The following ROBO2 variants were observed in gnomAD, a reference collection of about 807,000 sequenced individuals.
The protein encoded by ROBO2 is roundabout guidance receptor 2, also known as roundabout homolog 2.
A neutral mutation model predicts 160.8 loss-of-function variants in ROBO2; 53 were observed. The observed-to-expected ratio is 0.33, with a 90% CI of 0.26 to 0.41. The LOEUF (loss-of-function observed/expected upper bound fraction) is 0.41. Among genes scored for constraint, ROBO2 ranks in the 10% least tolerant of loss-of-function variants. The pLI is 1.00. For missense variants in ROBO2, 1,577 were observed against 1,722.4 expected (o/e 0.92, Z 1.49); for synonymous variants, 664 against 611.7 (o/e 1.09, Z -1.26).
At chr3:76,721,708 C>T (rs1446606038) in intron 2 of ROBO2, among the ~76,000 whole-genome samples, 5 of 152,192 alleles carry the variant, frequency 3.3e-5, no homozygotes, top group Non-Finnish European at 5.9e-5. Flanking sequence ...TAAAAATGTA[C>T]TGCTGTTTCT....
intron 2 of ROBO2, among the ~76,000 whole-genome samples, chr3:77,224,904 T>A (rs2086292664): frequency 6.6e-6 from 1 of 151,910 alleles, no homozygotes; most frequent in African/African-American, 2.4e-5. Flanking sequence ...AATATTTGAT[T>A]AGTCAAGTTT....
At chr3:77,322,858 G>T (rs1261895517) in intron 2 of ROBO2, among the ~76,000 whole-genome samples, 1 of 101,062 alleles carries the variant, frequency 9.9e-6, no homozygotes, top group Non-Finnish European at 1.8e-5. Context: ...TTATACATAT[G>T]TATTATAATA....
intron 2 of ROBO2, among the ~76,000 whole-genome samples, chr3:76,622,270 GAAAGAAAGAAAGAAA>G (rs1560252808): frequency 1.3e-5 from 1 of 79,452 alleles, no homozygotes; most frequent in Non-Finnish European, 2.6e-5. Flanking sequence ...AAGAAAGAAA[GAAAGAAAGAAAGAAA>G]GAAAGAAAGA....
chr3:77,418,634 A>C (rs2153529857), intron 2 of ROBO2, among the ~76,000 whole-genome samples: 1 of 152,230 alleles, frequency 6.6e-6, no homozygotes, highest in East Asian at 1.9e-4. Flanking sequence ...CAGATCGCTT[A>C]CCCAAATCTC....
At chr3:76,884,569 C>T (rs1323651409) in intron 2 of ROBO2, among the ~76,000 whole-genome samples, 3 of 152,124 alleles carry the variant, frequency 2.0e-5, no homozygotes, top group African/African-American at 7.2e-5. Flanking sequence ...CTCTAACCAC[C>T]TTTGACTCAG....
chr3:77,230,578 T>G (rs1406724572), intron 2 of ROBO2, among the ~76,000 whole-genome samples: 3 of 152,246 alleles, frequency 2.0e-5, no homozygotes, highest in Non-Finnish European at 1.5e-5. Flanking sequence ...GGAACCATTG[T>G]TAGGGCATAT....
intron 2 of ROBO2, among the ~76,000 whole-genome samples, chr3:77,413,825 G>A (rs1231519414): frequency 4.9e-4 from 75 of 152,306 alleles, no homozygotes; most frequent in Non-Finnish European, 1.0e-4. Context: ...AGATGCAAAT[G>A]TTAATGGACA....
intron 2 of ROBO2, among the ~76,000 whole-genome samples, chr3:76,454,633 A>G (rs2077656567): frequency 1.3e-5 from 2 of 152,126 alleles, no homozygotes; most frequent in Non-Finnish European, 1.5e-5. Flanking sequence ...TTACTTTTCC[A>G]TCAACTGTTA....
chr3:75,919,455 T>G (rs1343076120), intron 1 of ROBO2, among the ~76,000 whole-genome samples: 1 of 152,202 alleles, frequency 6.6e-6, no homozygotes, highest in Non-Finnish European at 1.5e-5. Flanking sequence ...TTATTCAGGA[T>G]TTTTGCATCG....
chr3:76,699,919 TCTCCTG>T (rs1289703961), intron 2 of ROBO2, among the ~76,000 whole-genome samples: 11 of 152,058 alleles, frequency 7.2e-5, no homozygotes, highest in Admixed American at 2.6e-4. Flanking sequence ...TAAATGAATG[TCTCCTG>T]TTGAGGCACA....
chr3:76,707,612 A>G (rs7627343), intron 2 of ROBO2, among the ~76,000 whole-genome samples: 9,221 of 151,662 alleles, frequency 0.061, 833 homozygotes, highest in African/African-American at 0.2. Flanking sequence ...TACAGACCTC[A>G]GTTACTAACA....
intron 2 of ROBO2, among the ~76,000 whole-genome samples, chr3:76,224,653 A>G (rs1364977038): frequency 6.6e-6 from 1 of 152,180 alleles, no homozygotes; most frequent in African/African-American, 2.4e-5. Flanking sequence ...GACCCATAAA[A>G]TTAACCACGA....
At chr3:77,232,790 A>G (rs1054294214) in intron 2 of ROBO2, among the ~76,000 whole-genome samples, 24 of 152,318 alleles carry the variant, frequency 1.6e-4, no homozygotes, top group Admixed American at 1.6e-3. Context: ...GTAGATTAAA[A>G]TTAAAATATT....
At chr3:76,785,183 G>T (rs1407879593) in intron 2 of ROBO2, among the ~76,000 whole-genome samples, 1 of 151,144 alleles carries the variant, frequency 6.6e-6, no homozygotes, top group Admixed American at 6.6e-5. Flanking sequence ...TGACATTACA[G>T]ATCTTCCATT....
intron 6 of ROBO2, among the ~76,000 whole-genome samples, chr3:77,534,651 T>C (rs561317904): frequency 6.6e-6 from 1 of 152,300 alleles, no homozygotes; most frequent in South Asian, 2.1e-4. Flanking sequence ...AGTACATAAT[T>C]AGATTTATTA....
At chr3:76,206,399 A>G (rs1467543345) in intron 2 of ROBO2, among the ~76,000 whole-genome samples, 5 of 152,204 alleles carry the variant, frequency 3.3e-5, no homozygotes, top group African/African-American at 1.2e-4. Context: ...TTCCATCTCT[A>G]ATTAATGTAT....
intron 2 of ROBO2, among the ~76,000 whole-genome samples, chr3:76,782,956 TCTCC>T (rs1368048189): frequency 6.6e-6 from 1 of 150,818 alleles, no homozygotes; most frequent in Non-Finnish European, 1.5e-5. Context: ...TGGCTTTTAT[TCTCC>T]CTCTCTTGCT....
chr3:77,160,023 A>G (rs2078344742), intron 2 of ROBO2, among the ~76,000 whole-genome samples: 1 of 152,074 alleles, frequency 6.6e-6, no homozygotes, highest in Admixed American at 6.6e-5. Flanking sequence ...TGTAAGAAAA[A>G]ATAAAGGGAG....
chr3:77,066,595 C>T (rs903800421), intron 1 of ROBO2, among the ~76,000 whole-genome samples: 1 of 151,988 alleles, frequency 6.6e-6, no homozygotes, highest in Non-Finnish European at 1.5e-5. Context: ...AATCAAAGGA[C>T]TAACAGTAGG....
Sources: allele counts gnomAD v4.1 joint callset (sites outside exome capture counted in the v4.1 genomes callset), GRCh38; gene constraint gnomAD v4.1.1; transcripts MANE v1.5; gene names NCBI Gene and HGNC (gene_info 2026-07-23, HGNC 2026-07-21).